Variants in BID observed in about 807,000 individuals in gnomAD.
BID encodes the protein BH3 interacting domain death agonist.
In BID, 19 loss-of-function variants were observed where a neutral mutation model predicts 17.4. The ratio of observed to expected loss-of-function variants is 1.09; its 90% CI spans 0.76 to 1.60. BID has a LOEUF of 1.60. Among genes scored for constraint, BID ranks in the 40% most tolerant of loss-of-function variants. BID has a pLI of 0.00. For synonymous variants in BID, 108 were observed against 102.8 expected, an observed-to-expected ratio of 1.05 and a Z score of -0.31; for missense variants, 226 against 256.0, an observed-to-expected ratio of 0.88 and a Z score of 0.80.
chr22:17,737,615 G>A (rs910664594), intron 5 of BID, among the ~76,000 whole-genome samples: 6 of 152,238 alleles, frequency 3.9e-5, no homozygotes, highest in Non-Finnish European at 7.3e-5. Context: ...CAGAGCAGTG[G>A]GATCACAGGC....
intron 2 of BID, among the ~76,000 whole-genome samples, chr22:17,745,768 C>T (rs2061491117): frequency 6.6e-6 from 1 of 152,130 alleles, no homozygotes; most frequent in African/African-American, 2.4e-5. Flanking sequence ...GAGTTTGAGA[C>T]CAGCCTGGCC....
At chr22:17,765,323 C>A (rs2061670473) in intron 1 of BID, among the ~76,000 whole-genome samples, 1 of 152,190 alleles carries the variant, frequency 6.6e-6, no homozygotes, top group South Asian at 2.1e-4. Context: ...AAAGAAGTGA[C>A]TTGCCAAGGT....
At chr22:17,747,648 G>A (rs570768600) in intron 2 of BID, among the ~76,000 whole-genome samples, 1 of 152,144 alleles carries the variant, frequency 6.6e-6, no homozygotes, top group African/African-American at 2.4e-5. Flanking sequence ...TAAAAGAATT[G>A]ATAGTTTTTT....
At chr22:17,736,490 C>T (rs1231628802) in intron 5 of BID, among the ~76,000 whole-genome samples, 2 of 151,508 alleles carry the variant, frequency 1.3e-5, no homozygotes, top group African/African-American at 2.4e-5. Context: ...CCCAAACATT[C>T]GCTAATATTT....
intron 1 of BID, among the ~76,000 whole-genome samples, chr22:17,771,465 G>T (rs2061720016): frequency 6.6e-6 from 1 of 150,854 alleles, no homozygotes; most frequent in Non-Finnish European, 1.5e-5. Context: ...TTCAAGGAGT[G>T]CGGCGGTGCA....
intron 1 of BID, among the ~76,000 whole-genome samples, chr22:17,765,557 T>G (rs1408437373): frequency 1.3e-5 from 2 of 152,244 alleles, no homozygotes; most frequent in Admixed American, 6.5e-5. Flanking sequence ...GAACACAAAC[T>G]TATATTTTTC....
chr22:17,765,824 T>C (rs529227023), intron 1 of BID, among the ~76,000 whole-genome samples: 32 of 152,368 alleles, frequency 2.1e-4, no homozygotes, highest in African/African-American at 5.5e-4. Context: ...AAACTTAAAG[T>C]ATAATAATAA....
intron 3 of BID, chr22:17,740,930 G>C (rs1437645086): frequency 6.6e-6 from 1 of 152,130 alleles, no homozygotes; most frequent in Non-Finnish European, 1.5e-5. Flanking sequence ...TGAATGAATG[G>C]GCCCTGTACC....
intron 1 of BID, among the ~76,000 whole-genome samples, chr22:17,754,543 G>A (rs753372365): frequency 2.6e-5 from 4 of 152,246 alleles, no homozygotes; most frequent in Non-Finnish European, 4.4e-5. Context: ...GAAGCCAAAT[G>A]TCCTGGAACT....
chr22:17,759,003 T>C (rs527388296), intron 1 of BID, among the ~76,000 whole-genome samples: 1 of 151,756 alleles, frequency 6.6e-6, no homozygotes, highest in South Asian at 2.1e-4. Flanking sequence ...GAGGACGAGG[T>C]GGGCGGATCA....
chr22:17,761,826 A>AT (rs1458075980), intron 1 of BID, among the ~76,000 whole-genome samples: 7 of 152,214 alleles, frequency 4.6e-5, no homozygotes, highest in African/African-American at 1.2e-4. Context: ...TTGTGACATA[A>AT]TTCATTGCTG....
intron 1 of BID, among the ~76,000 whole-genome samples, chr22:17,767,886 G>A (rs1211400486): frequency 1.3e-5 from 2 of 152,098 alleles, no homozygotes; most frequent in African/African-American, 2.4e-5. Flanking sequence ...AGGAGTTTGA[G>A]GCAAACCTGG....
chr22:17,774,035 G>A, intron 1 of BID: 1 of 389,142 alleles, frequency 2.6e-6, no homozygotes, highest in South Asian at 2.6e-5. Context: ...GGCTGGCCTC[G>A]GCCCCTCCCC....
At chr22:17,767,514 C>T (rs115478323) in intron 1 of BID, among the ~76,000 whole-genome samples, 63 of 152,294 alleles carry the variant, frequency 4.1e-4, no homozygotes, top group Admixed American at 5.9e-4. Context: ...GTATCCTTCC[C>T]GGTGGACACA....
At chr22:17,767,882 T>C (rs1252040280) in intron 1 of BID, among the ~76,000 whole-genome samples, 1 of 152,118 alleles carries the variant, frequency 6.6e-6, no homozygotes, top group Non-Finnish European at 1.5e-5. Context: ...GCCCAGGAGT[T>C]TGAGGCAAAC....
chr22:17,739,994 C>T (rs2061447530), intron 3 of BID: 5 of 1,387,728 alleles, frequency 3.6e-6, no homozygotes, highest in South Asian at 2.5e-5. Flanking sequence ...TGGAGAATCT[C>T]CCCTGCCTTT....
At chr22:17,762,330 C>G (rs992710232) in intron 1 of BID, among the ~76,000 whole-genome samples, 1 of 152,074 alleles carries the variant, frequency 6.6e-6, no homozygotes, top group Non-Finnish European at 1.5e-5. Context: ...AATCCCGTCT[C>G]TACTAAAAAT....
intron 1 of BID, among the ~76,000 whole-genome samples, chr22:17,753,964 G>A (rs909479219): frequency 6.6e-6 from 1 of 152,006 alleles, no homozygotes; most frequent in Non-Finnish European, 1.5e-5. Context: ...GGACTGGGGT[G>A]ACATTCCCCC....
intron 1 of BID, among the ~76,000 whole-genome samples, chr22:17,772,351 C>T (rs1270866517): frequency 6.6e-6 from 1 of 152,214 alleles, no homozygotes; most frequent in East Asian, 1.9e-4. Context: ...GGGGCAGACG[C>T]CCAGCTGCTC....
Sources: gnomAD v4.1 joint callset for allele counts (sites outside exome capture counted in the v4.1 genomes callset) on GRCh38, gnomAD v4.1.1 for gene constraint, MANE v1.5 for transcripts, NCBI Gene and HGNC (gene_info 2026-07-23, HGNC 2026-07-21) for gene names.